Variants in CCDC169 observed in about 807,000 individuals in gnomAD.
CCDC169 encodes the protein coiled-coil domain containing 169.
Under a neutral mutation model 36.0 loss-of-function variants are expected in CCDC169, and 30 were observed. The ratio of observed to expected loss-of-function variants is 0.83; its 90% CI spans 0.62 to 1.13. The LOEUF is 1.13. Among genes scored for constraint, CCDC169 ranks in the 50% most tolerant of loss-of-function variants. The pLI is 0.00. For synonymous variants in CCDC169, 85 were observed against 81.5 expected, an observed-to-expected ratio of 1.04 and a Z score of -0.23; for missense variants, 245 against 245.9, an observed-to-expected ratio of 1.00 and a Z score of 0.03.
chr13:36,252,921 C>T (rs1451826322), intron 6 of CCDC169, among the ~76,000 whole-genome samples: 1 of 152,072 alleles, frequency 6.6e-6, no homozygotes, highest in African/African-American at 2.4e-5. Flanking sequence ...TATACAAATA[C>T]TAAAATATGT....
At chr13:36,263,453 G>C (rs1874855123) in intron 4 of CCDC169, among the ~76,000 whole-genome samples, 1 of 152,168 alleles carries the variant, frequency 6.6e-6, no homozygotes, top group Non-Finnish European at 1.5e-5. Flanking sequence ...AAATATTTTA[G>C]AGCTCATACC....
At chr13:36,281,257 C>CT (rs1474326438) in intron 4 of CCDC169, 8 of 449,708 alleles carry the variant, frequency 1.8e-5, no homozygotes, top group Non-Finnish European at 3.6e-5. Context: ...AAACCTCATA[C>CT]TTTCTGTCAC....
chr13:36,292,403 C>A (rs1879012695), intron 2 of CCDC169, among the ~76,000 whole-genome samples: 1 of 152,046 alleles, frequency 6.6e-6, no homozygotes, highest in Admixed American at 6.6e-5. Context: ...AATACTAATT[C>A]TTCTTGCTTA....
intron 4 of CCDC169, among the ~76,000 whole-genome samples, chr13:36,277,189 T>A (rs1300094283): frequency 6.6e-6 from 1 of 152,030 alleles, no homozygotes; most frequent in Admixed American, 6.6e-5. Flanking sequence ...TGAAAGCCAT[T>A]TCCCTCAGTA....
intron 6 of CCDC169, among the ~76,000 whole-genome samples, chr13:36,251,747 G>C (rs1319556226): frequency 2.0e-5 from 3 of 152,144 alleles, no homozygotes; most frequent in Non-Finnish European, 2.9e-5. Context: ...ACCTACAGCT[G>C]AGTGAAGCAA....
chr13:36,227,450 T>A (rs9546787), downstream of CCDC169: 630,543 of 1,379,832 alleles, frequency 0.46, 148,605 homozygotes, highest in Non-Finnish European at 0.48. Flanking sequence ...ATAAAGCAGA[T>A]ATTCCAACCA....
chr13:36,265,811 G>A (rs1019568645), intron 4 of CCDC169, among the ~76,000 whole-genome samples: 2 of 152,186 alleles, frequency 1.3e-5, no homozygotes, highest in East Asian at 3.8e-4. Context: ...TATGTACTTG[G>A]TGATGGAGAT....
chr13:36,283,346 C>T (rs1877775633), intron 4 of CCDC169, 123 bp downstream of exon 4: 3 of 932,940 alleles, frequency 3.2e-6, no homozygotes, highest in East Asian at 2.6e-5. Context: ...AAACAGATCC[C>T]TTGAACAAAA....
At chr13:36,296,429 T>C (rs1051302401) in intron 1 of CCDC169, among the ~76,000 whole-genome samples, 1 of 152,192 alleles carries the variant, frequency 6.6e-6, no homozygotes. Context: ...AATATCATCC[T>C]AAAGAAGTTA....
At position 36,297,755 on chromosome 13, in the gene CCDC169, C is replaced by CA. The variant is rs768139909; in HGVS notation, c.-37dup. 1 of 1,543,190 alleles carries CA rather than the reference C, an allele frequency of 6.5e-7. No homozygotes were observed. The highest frequency in any genetic ancestry group is 1.2e-5 in the South Asian group (1 of 83,914). ...CAGAGACCTCCCGCGTCTTTCCCCT[C>CA]AGCACCTTAGAGCACAAGACATTAA... On this transcript the variant is annotated 5_prime_UTR_variant, in exon 1 of 8. An upstream open reading frame in the 5' UTR loses its in-frame stop. Coordinates refer to ENST00000239859, the MANE Select transcript of CCDC169 (RefSeq NM_001144981.3).
intron 4 of CCDC169, chr13:36,280,162 G>A (rs570389452): frequency 6.6e-6 from 1 of 152,194 alleles, no homozygotes; most frequent in African/African-American, 2.4e-5. Flanking sequence ...CATACAACAT[G>A]TAGAGAGATA....
At chr13:36,235,910 C>A (rs1221671963) in intron 7 of CCDC169, among the ~76,000 whole-genome samples, 2 of 151,792 alleles carry the variant, frequency 1.3e-5, no homozygotes, top group African/African-American at 2.4e-5. Context: ...CAAACTGCAT[C>A]AAAAAGAATA....
chr13:36,227,263 A>T (rs375041677), downstream of CCDC169: 49 of 1,551,354 alleles, frequency 3.2e-5, no homozygotes, highest in Non-Finnish European at 3.4e-5. Flanking sequence ...CAGGCGGGCC[A>T]GAGTGCTTTT....
At chr13:36,258,018 AT>A (rs1248277162) in intron 4 of CCDC169, among the ~76,000 whole-genome samples, 1 of 152,194 alleles carries the variant, frequency 6.6e-6, no homozygotes, top group Non-Finnish European at 1.5e-5. Context: ...CCCTGGTGTG[AT>A]GGATGAGACC....
chr13:36,289,441 T>C (rs1300651229), intron 2 of CCDC169, among the ~76,000 whole-genome samples: 1 of 152,256 alleles, frequency 6.6e-6, no homozygotes, highest in Non-Finnish European at 1.5e-5. Flanking sequence ...TTTTTCAATG[T>C]AATCAAGAAA....
chr13:36,272,679 T>C (rs966944916), intron 4 of CCDC169, among the ~76,000 whole-genome samples: 1 of 152,110 alleles, frequency 6.6e-6, no homozygotes, highest in Non-Finnish European at 1.5e-5. Flanking sequence ...GTTTATGGAG[T>C]AGGGCAGGAG....
intron 1 of CCDC169, 49 bp downstream of exon 1, chr13:36,297,588 G>T (rs772562843): frequency 3.9e-6 from 6 of 1,522,800 alleles, no homozygotes; most frequent in Admixed American, 2.0e-5. Context: ...GCAGGTGAAG[G>T]CTCGGGGGGT....
At chr13:36,297,529 C>A (rs1490140853) in intron 1 of CCDC169, 108 bp downstream of exon 1, 6 of 1,081,748 alleles carry the variant, frequency 5.5e-6, no homozygotes, top group African/African-American at 1.6e-5. Context: ...AGGGGTTAAT[C>A]ACGGCGCCGG....
chr13:36,282,348 C>G, intron 4 of CCDC169: 2 of 979,420 alleles, frequency 2.0e-6, no homozygotes, highest in Non-Finnish European at 2.4e-6. Flanking sequence ...AAGAATAAGA[C>G]TTAGTTTTGT....
Sources: gnomAD v4.1 joint callset for allele counts (sites outside exome capture counted in the v4.1 genomes callset) on GRCh38, gnomAD v4.1.1 for gene constraint, MANE v1.5 for transcripts, NCBI Gene and HGNC (gene_info 2026-07-23, HGNC 2026-07-21) for gene names.